The following P4HA1 variants were observed in gnomAD, a reference collection of about 807,000 sequenced individuals.
P4HA1 encodes prolyl 4-hydroxylase subunit alpha-1.
In P4HA1, 24 loss-of-function variants were observed where a neutral mutation model predicts 72.8. That is an observed-to-expected ratio of 0.33 (90% CI 0.24 to 0.46). P4HA1 has a LOEUF of 0.46. Ranked by LOEUF, P4HA1 falls within the 20% of genes least tolerant of loss-of-function variation. The pLI is 1.00. For synonymous variants in P4HA1, 201 were observed against 218.8 expected, an observed-to-expected ratio of 0.92 and a Z score of 0.72; for missense variants, 446 against 640.6, an observed-to-expected ratio of 0.70 and a Z score of 3.28.
intron 14 of P4HA1, among the ~76,000 whole-genome samples, chr10:73,008,988 C>T (rs76630185): frequency 1.3e-5 from 2 of 152,136 alleles, no homozygotes; most frequent in Non-Finnish European, 2.9e-5. Flanking sequence ...GCTCTCCAAC[C>T]CTTTCACTGA....
chr10:73,030,207 G>C (rs941901248), intron 10 of P4HA1, 64 bp downstream of exon 10: 1 of 764,476 alleles, frequency 1.3e-6, no homozygotes, highest in African/African-American at 1.7e-5. Flanking sequence ...TTCAGTGTCA[G>C]GAAATCTCCT....
Position 73,009,841 on chromosome 10 carries a change from A to G in P4HA1, c.1500T>C (p.His500=). The G allele has an allele frequency of 1.2e-6, 2 of 1,609,722 alleles. No homozygotes were observed. The highest frequency in any genetic ancestry group is 1.7e-6 in the Non-Finnish European group (2 of 1,175,992). ...TGCCAACTAGCACTGGACAGGCTGC[A>G]TGCCGTGTACTATAATCTCCTTCTC... ...ASGEGDYSTR[H]AACPVLVGNK... Residue 500 remains histidine (H), a synonymous_variant, in exon 14 of 15, where the codon CAT becomes CAC. Coordinates refer to ENST00000394890, the MANE Select transcript of P4HA1 (RefSeq NM_001017962.3).
intron 7 of P4HA1, among the ~76,000 whole-genome samples, chr10:73,048,870 C>G (rs186364085): frequency 1.1e-4 from 17 of 152,256 alleles, no homozygotes; most frequent in Admixed American, 9.8e-4. Context: ...TGCAGTGGCT[C>G]ACGCCTGTAA....
chr10:73,038,679 T>A (rs1840660619), intron 9 of P4HA1, among the ~76,000 whole-genome samples: 2 of 101,830 alleles, frequency 2.0e-5, no homozygotes, highest in Non-Finnish European at 3.5e-5. Context: ...CAGGCTGGAG[T>A]GCAGTGGCGG....
rs11000493 is a variant in P4HA1, at chr10:73,034,138, C to A, written c.1149-3768G>T. On this transcript the variant is annotated intron_variant, in intron 9 of 14. Transcript: ENST00000394890. ...CTGAAGCGGAAGGATTACTTAAGCC[C>A]AGGAGTTCAAGGATGCAGGGAGCTA... Among the ~76,000 whole-genome samples the A allele has an allele frequency of 5.4e-4, 82 of 152,168 alleles. No individual in the cohort carries two copies. In the East Asian group the frequency reaches 0.013, roughly 24 times the overall value.
At chr10:73,049,977 A>G (rs1055946438) in intron 7 of P4HA1, among the ~76,000 whole-genome samples, 1 of 152,116 alleles carries the variant, frequency 6.6e-6, no homozygotes, top group African/African-American at 2.4e-5. Flanking sequence ...CAGCCTGGCC[A>G]ACATAAGGAA....
At chr10:73,035,610 C>G (rs910173015) in intron 9 of P4HA1, among the ~76,000 whole-genome samples, 3 of 152,130 alleles carry the variant, frequency 2.0e-5, no homozygotes, top group Non-Finnish European at 1.5e-5. Context: ...TAGGTTATTT[C>G]TAATTTTTCT....
Position 73,072,145 on chromosome 10 carries a change from G to A in P4HA1, c.209C>T (p.Ala70Val), listed in dbSNP as rs781585158. The A allele has an allele frequency of 1.1e-5, 17 of 1,612,680 alleles. No individual in the cohort carries two copies. The Admixed American group carries it at 1.3e-4, about 13-fold the overall frequency. Residue 70 changes from alanine to valine, a missense_variant, in exon 4 of 15, where the codon GCG becomes GTG. Ala to Val is a moderately conservative substitution (Grantham distance 64). Transcript: ENST00000394890. Reference protein sequence around the residue: ...AEKLDRLTSTATKDPEGFVGH... With the variant: ...AEKLDRLTSTVTKDPEGFVGH... ...AACAAATCCTTCTGGATCTTTTGTC[G>A]CTGTACTAGTTAGCCGATCTAACTT...
chr10:73,041,314 G>A (rs1487291342), intron 9 of P4HA1, among the ~76,000 whole-genome samples: 2 of 152,086 alleles, frequency 1.3e-5, no homozygotes, highest in Admixed American at 6.6e-5. Context: ...GGAGGCCGAG[G>A]CAGGCGGGTC....
chr10:73,062,730 A>G (rs1445097291), intron 5 of P4HA1, among the ~76,000 whole-genome samples: 1 of 152,196 alleles, frequency 6.6e-6, no homozygotes, highest in African/African-American at 2.4e-5. Context: ...GTGGTCACAT[A>G]TGTTTTTAAA....
intron 1 of P4HA1, among the ~76,000 whole-genome samples, chr10:73,090,338 C>T (rs780811836): frequency 7.5e-6 from 1 of 133,946 alleles, no homozygotes; most frequent in Admixed American, 7.4e-5. Flanking sequence ...CTTTCTATGT[C>T]GCCCAGGCTG....
intron 1 of P4HA1, among the ~76,000 whole-genome samples, chr10:73,093,791 C>T (rs928339458): frequency 7.8e-6 from 1 of 127,582 alleles, no homozygotes; most frequent in South Asian, 2.8e-4. Context: ...TGCAGTGGGC[C>T]GAGATTGCAC....
rs143339769 is a variant in P4HA1, at chr10:73,024,914, A to G, written c.1248+5357T>C. Among the ~76,000 whole-genome samples, 149 of 152,368 alleles carry G rather than the reference A, an allele frequency of 9.8e-4. 2 individuals carry two copies. In the East Asian group the frequency reaches 0.015, roughly 16 times the overall value. On this transcript the variant is annotated intron_variant, in intron 10 of 14. Transcript: ENST00000394890. ...AGAAGAAATGGATAAATTCCTGGAC[A>G]CATACACCCAAGACCAAACCAGGAA...
intron 9 of P4HA1, among the ~76,000 whole-genome samples, chr10:73,034,689 G>T (rs1373316803): frequency 6.6e-6 from 1 of 151,554 alleles, no homozygotes; most frequent in African/African-American, 2.4e-5. Context: ...CCGGGCTCAG[G>T]TGACTCTTCC....
At chr10:73,037,772 TTA>T (rs1840633394) in intron 9 of P4HA1, among the ~76,000 whole-genome samples, 1 of 150,660 alleles carries the variant, frequency 6.6e-6, no homozygotes, top group African/African-American at 2.4e-5. Context: ...CTCATTTCAG[TTA>T]TCTCAGTCTG....
At chr10:73,041,279 T>A (rs1840726269) in intron 9 of P4HA1, among the ~76,000 whole-genome samples, 1 of 152,128 alleles carries the variant, frequency 6.6e-6, no homozygotes. Flanking sequence ...AGGCACGGGC[T>A]CATGCTTGTA....
chr10:73,074,330 T>C (rs970703038), intron 2 of P4HA1, among the ~76,000 whole-genome samples: 1 of 152,126 alleles, frequency 6.6e-6, no homozygotes, highest in East Asian at 1.9e-4. Flanking sequence ...ATATAATACT[T>C]ATGGGCCAGG....
rs546051028 is a variant in P4HA1, at chr10:73,007,960, A to G, written c.*262T>C. 1 of 340,630 alleles carries G rather than the reference A, an allele frequency of 2.9e-6. No individual in the cohort carries two copies. The allele number at this position is 340,630 out of a possible 1,614,324, so 21.1% of individuals were successfully genotyped here. On this transcript the variant is annotated 3_prime_UTR_variant, in exon 15 of 15. Coordinates refer to ENST00000394890, the MANE Select transcript of P4HA1 (RefSeq NM_001017962.3). ...TCCAACCAAAAAGTTCTTTAAATAT[A>G]AAATTCCTCACTTTAAACTCTGCCT... is the stretch of plus-strand genomic sequence containing the variant.
At chr10:73,028,745 T>C (rs1668265799) in intron 10 of P4HA1, among the ~76,000 whole-genome samples, 1 of 151,746 alleles carries the variant, frequency 6.6e-6, no homozygotes, top group Admixed American at 6.6e-5. Context: ...AACAGTTTAT[T>C]ATTTAAAGTT....
Sources: allele counts gnomAD v4.1 joint callset (sites outside exome capture counted in the v4.1 genomes callset), GRCh38; gene constraint gnomAD v4.1.1; transcripts MANE v1.5; gene names NCBI Gene and HGNC (gene_info 2026-07-23, HGNC 2026-07-21).